Variants in NUAK1 observed in about 807,000 individuals in gnomAD.
NUAK1 encodes NUAK family kinase 1.
NUAK1 carries 26 observed loss-of-function variants against 56.9 expected under a neutral mutation model. That is an observed-to-expected ratio of 0.46 (90% CI 0.33 to 0.63). The LOEUF (loss-of-function observed/expected upper bound fraction) is 0.63. NUAK1 is among the 30% of genes least tolerant of loss of function. The pLI is 0.02. For missense variants in NUAK1, 727 were observed against 876.1 expected (o/e 0.83, Z 2.15); for synonymous variants, 337 against 336.0 (o/e 1.00, Z -0.03).
chr12:106,120,547 G>T (rs1362468887), intron 1 of NUAK1, among the ~76,000 whole-genome samples: 1 of 152,148 alleles, frequency 6.6e-6, no homozygotes, highest in Non-Finnish European at 1.5e-5. Flanking sequence ...GGGAGAAAAG[G>T]AGCAGCTGTC....
rs893238405 is a variant in NUAK1, at chr12:106,066,608, TG to T, written c.*193del. ...CAGGGCCCAAATTCTGACTGACAAT[TG>T]ACAGAACTGGCAGAAGAGCCCACCT... On this transcript the variant is annotated 3_prime_UTR_variant, in exon 7 of 7. Transcript: ENST00000261402. The T allele has an allele frequency of 6.5e-6, 4 of 616,154 alleles. No individual in the cohort carries two copies. Among genetic ancestry groups the T allele is most frequent in the Non-Finnish European group, 1.1e-5 (4 of 348,666 alleles). The allele number at this position is 616,154 out of a possible 1,614,324, so 38.2% of individuals were successfully genotyped here. A position where few individuals can be genotyped will look rare whatever the true frequency, so the allele number is the denominator to read the frequency against.
chr12:106,100,550 G>C (rs1359709787), intron 2 of NUAK1, among the ~76,000 whole-genome samples: 1 of 152,208 alleles, frequency 6.6e-6, no homozygotes, highest in Non-Finnish European at 1.5e-5. Context: ...TTGACTCTCT[G>C]TCTCCTCTCT....
intron 2 of NUAK1, among the ~76,000 whole-genome samples, chr12:106,100,577 G>A (rs566535893): frequency 1.2e-4 from 18 of 152,350 alleles, no homozygotes; most frequent in Middle Eastern, 6.8e-3. Context: ...GCAGTTCCAA[G>A]AGGGACAGGA....
intron 1 of NUAK1, among the ~76,000 whole-genome samples, chr12:106,109,587 C>T (rs953941360): frequency 6.7e-6 from 1 of 149,494 alleles, no homozygotes; most frequent in Admixed American, 6.7e-5. Context: ...AAATCTCTAA[C>T]GCAGCTCCTG....
intron 4 of NUAK1, among the ~76,000 whole-genome samples, chr12:106,082,844 C>G (rs1049974775): frequency 6.6e-6 from 1 of 152,156 alleles, no homozygotes; most frequent in African/African-American, 2.4e-5. Flanking sequence ...CCACTGATAG[C>G]AGCAACAACA....
At chr12:106,113,666 T>C (rs73397186) in intron 1 of NUAK1, among the ~76,000 whole-genome samples, 7,788 of 148,826 alleles carry the variant, frequency 0.052, 686 homozygotes, top group African/African-American at 0.18. Context: ...CAGGAAGCAG[T>C]TATATTACAT....
chr12:106,087,023 AT>A, intron 2 of NUAK1, 138 bp from the exon 3 acceptor site: 2 of 1,088,778 alleles, frequency 1.8e-6, no homozygotes, highest in Non-Finnish European at 2.6e-6. Context: ...AAATCAGCCA[AT>A]TCAGCATCAC....
Position 106,138,505 on chromosome 12 carries a change from T to A in NUAK1, c.149A>T (p.Asn50Ile), listed in dbSNP as rs764152329. ...CTGCAGCTCGTAGCGGTGCTTCAAGTTGTGCTTGTGGTGATGCCGCTTCAC... is the reference window on the plus strand; with the variant it reads ...CTGCAGCTCGTAGCGGTGCTTCAAGATGTGCTTGTGGTGATGCCGCTTCAC... Reference protein sequence around the residue: ...HGVKRHHHKHNLKHRYELQET... With the variant: ...HGVKRHHHKHILKHRYELQET... The change falls in exon 1 of 7, where the codon AAC (asparagine) becomes ATC (isoleucine). Residue 50 changes from asparagine to isoleucine, a missense_variant. Coordinates refer to ENST00000261402, the MANE Select transcript of NUAK1 (RefSeq NM_014840.3). The surrounding 1 kb of genome is among the most constrained non-coding windows in gnomAD (Gnocchi z 5.0). 1 of 1,613,074 alleles carries A rather than the reference T, an allele frequency of 6.2e-7. No homozygotes were observed. The highest frequency in any genetic ancestry group is 1.3e-5 in the African/African-American group (1 of 74,830).
chr12:106,124,131 TTTTTG>T (rs1295861208), intron 1 of NUAK1, among the ~76,000 whole-genome samples: 1 of 152,124 alleles, frequency 6.6e-6, no homozygotes, highest in Non-Finnish European at 1.5e-5. Flanking sequence ...AGAGTTTTTG[TTTTTG>T]TTTTGTTTTC....
intron 1 of NUAK1, among the ~76,000 whole-genome samples, chr12:106,121,342 T>C (rs1249752826): frequency 6.6e-6 from 1 of 152,198 alleles, no homozygotes; most frequent in African/African-American, 2.4e-5. Flanking sequence ...AGGTGGTTTC[T>C]AAATGTTAAC....
intron 1 of NUAK1, among the ~76,000 whole-genome samples, chr12:106,125,272 C>A (rs2033014966): frequency 6.6e-6 from 1 of 152,152 alleles, no homozygotes; most frequent in African/African-American, 2.4e-5. Flanking sequence ...GAACTAGGCA[C>A]TGGGAGCATA....
rs138536504 is a variant in NUAK1, at chr12:106,084,511, C to T, written c.514-582G>A. Among the ~76,000 whole-genome samples, 1,311 of 152,342 alleles carry T rather than the reference C, an allele frequency of 8.6e-3. 5 individuals are homozygous for T. Among genetic ancestry groups the T allele is most frequent in the Non-Finnish European group, 0.012 (796 of 68,028 alleles). On this transcript the variant is annotated intron_variant, in intron 3 of 6. Coordinates refer to ENST00000261402, the MANE Select transcript of NUAK1 (RefSeq NM_014840.3). ...CCTCTCTGCTCAGCAGGACTCAGGGCTGGGTGAAAGATGAAGCATGAGAGC... is the reference window on the plus strand; with the variant it reads ...CCTCTCTGCTCAGCAGGACTCAGGGTTGGGTGAAAGATGAAGCATGAGAGC...
rs80333157 is a variant in NUAK1 at position 106,121,333 on chromosome 12, G to C, written c.241-14808C>G. ...TGTATCTTGCAGAAGGCACACACAA[G>C]GTGGTTTCTAAATGTTAACCCCTCC... On this transcript the variant is annotated intron_variant, in intron 1 of 6. Coordinates refer to ENST00000261402, the MANE Select transcript of NUAK1 (RefSeq NM_014840.3). Among the ~76,000 whole-genome samples the C allele has an allele frequency of 8.9e-3, 1,360 of 152,278 alleles. 21 individuals are homozygous for C. Among genetic ancestry groups the C allele is most frequent in the African/African-American group, 0.032 (1,324 of 41,554 alleles).
intron 1 of NUAK1, among the ~76,000 whole-genome samples, chr12:106,122,142 G>A (rs1216092547): frequency 6.6e-6 from 1 of 152,160 alleles, no homozygotes; most frequent in African/African-American, 2.4e-5. Flanking sequence ...CTCCTTGGGG[G>A]CAGGGGTGGA....
chr12:106,119,781 C>G (rs1004180743), intron 1 of NUAK1, among the ~76,000 whole-genome samples: 1 of 152,140 alleles, frequency 6.6e-6, no homozygotes, highest in African/African-American at 2.4e-5. Flanking sequence ...AAATAGCAGA[C>G]ATGAGAACTC....
intron 2 of NUAK1, chr12:106,104,023 T>C (rs1233361301): frequency 6.6e-6 from 1 of 151,992 alleles, no homozygotes; most frequent in African/African-American, 2.4e-5. Context: ...GAGAACAAAC[T>C]ACATTGCTAC....
intron 4 of NUAK1, among the ~76,000 whole-genome samples, chr12:106,073,705 C>T (rs778301798): frequency 6.6e-6 from 1 of 152,034 alleles, no homozygotes; most frequent in South Asian, 2.1e-4. Context: ...GTAATCTCAG[C>T]TACTCGGGAG....
At position 106,067,649 on chromosome 12, in the gene NUAK1, G is replaced by A; in HGVS notation, c.1139C>T (p.Ser380Phe). 6.2e-7 allele frequency: 1 copy of A among 1,614,224 alleles called. No individual in the cohort carries two copies. The highest frequency in any genetic ancestry group is 8.5e-7 in the Non-Finnish European group (1 of 1,180,036). ...GCTTTCAGGCACTGCATCCTGACCA[G>A]ACTGAGCAAAGTCATTCTCTTTCTT... The part of the protein sequence containing the change: ...KSKKENDFAQ[S>F]GQDAVPESPS... The change falls in exon 7 of 7, where the codon TCT becomes TTT. Residue 380 changes from serine to phenylalanine, a missense_variant. Coordinates refer to ENST00000261402, the MANE Select transcript of NUAK1 (RefSeq NM_014840.3). This position sits in a 1 kb window ranked among gnomAD's most constrained non-coding sequence, Gnocchi z 6.0.
chr12:106,123,716 T>C (rs898416069), intron 1 of NUAK1, among the ~76,000 whole-genome samples: 1 of 152,036 alleles, frequency 6.6e-6, no homozygotes, highest in African/African-American at 2.4e-5. Context: ...CAGTTGAAAA[T>C]GGTATGCAGC....
Sources: gnomAD v4.1 joint callset for allele counts (sites outside exome capture counted in the v4.1 genomes callset) on GRCh38, gnomAD v4.1.1 for gene constraint, Gnocchi (gnomAD v3.1) non-coding constraint, MANE v1.5 for transcripts, NCBI Gene and HGNC (gene_info 2026-07-23, HGNC 2026-07-21) for gene names.